ZNF407: variants seen among roughly 807,000 people sequenced by gnomAD.
ZNF407 encodes zinc finger protein 407.
A neutral mutation model predicts 131.2 loss-of-function variants in ZNF407; 17 were observed. The ratio of observed to expected loss-of-function variants is 0.13; its 90% CI spans 0.09 to 0.19. The LOEUF is 0.19. Among genes scored for constraint, ZNF407 ranks in the 10% least tolerant of loss-of-function variants. The probability of loss-of-function intolerance (pLI) is 1.00; values close to 1 mark genes in which losing one functional copy is unlikely to be tolerated. For synonymous variants in ZNF407, 1,156 were observed against 1,062.0 expected, an observed-to-expected ratio of 1.09 and a Z score of -1.72; for missense variants, 2,681 against 2,830.6, an observed-to-expected ratio of 0.95 and a Z score of 1.20.
intron 3 of ZNF407, among the ~76,000 whole-genome samples, chr18:74,779,109 A>ATATTTTTTTTTTTT (rs397943457): frequency 8.2e-5 from 2 of 24,376 alleles, no homozygotes. Context: ...ATATATATAT[A>ATATTTTTTTTTTTT]TTTTTTTTTT....
At chr18:74,933,352 G>A (rs1226332468) in intron 8 of ZNF407, among the ~76,000 whole-genome samples, 1 of 152,170 alleles carries the variant, frequency 6.6e-6, no homozygotes, top group Admixed American at 6.6e-5. Flanking sequence ...GATGTGCCTA[G>A]AGTAGTCGAA....
rs376078172 is a variant in ZNF407 at position 74,877,332 on chromosome 18, C to A, written c.5013C>A (p.Ser1671=). The A allele has an allele frequency of 1.9e-6, 3 of 1,613,644 alleles. No individual in the cohort carries two copies. The highest frequency in any genetic ancestry group is 1.1e-5 in the South Asian group (1 of 91,064). ...PTCHYSFLTA[S]AMKDHYRTHT... ...GCCATTACTCATTCCTCACAGCCTC[C>A]GCAATGAAAGACCACTACAGGACGC... The change falls in exon 5 of 9, where the codon TCC becomes TCA. Residue 1671 remains serine (S), a synonymous_variant. Coordinates refer to ENST00000299687, the MANE Select transcript of ZNF407 (RefSeq NM_017757.3).
intron 8 of ZNF407, among the ~76,000 whole-genome samples, chr18:74,985,201 C>G (rs1972638721): frequency 6.6e-6 from 1 of 152,114 alleles, no homozygotes; most frequent in Non-Finnish European, 1.5e-5. Context: ...ACAGTTTCAG[C>G]TTTAACTTTG....
chr18:74,880,697 A>G (rs1971225213), intron 5 of ZNF407, among the ~76,000 whole-genome samples: 3 of 151,688 alleles, frequency 2.0e-5, no homozygotes, highest in Admixed American at 2.0e-4. Flanking sequence ...CAGAAAGGCC[A>G]GATGTATGGG....
intron 8 of ZNF407, among the ~76,000 whole-genome samples, chr18:75,044,861 T>C (rs1973414940): frequency 6.6e-6 from 1 of 152,226 alleles, no homozygotes; most frequent in South Asian, 2.1e-4. Context: ...TGACCAACAC[T>C]GAAGACTTAT....
At chr18:74,976,770 G>T (rs1319480067) in intron 8 of ZNF407, among the ~76,000 whole-genome samples, 1 of 152,174 alleles carries the variant, frequency 6.6e-6, no homozygotes, top group Non-Finnish European at 1.5e-5. Context: ...AGCCTAAGTG[G>T]TCCTGTTAAG....
chr18:74,841,584 A>C (rs1970634260), intron 4 of ZNF407, among the ~76,000 whole-genome samples: 1 of 152,254 alleles, frequency 6.6e-6, no homozygotes, highest in Admixed American at 6.5e-5. Context: ...TGCCCACCAC[A>C]GTGACTGCTA....
chr18:74,961,505 G>GC (rs1055956084), intron 8 of ZNF407, among the ~76,000 whole-genome samples: 5 of 152,144 alleles, frequency 3.3e-5, no homozygotes, highest in African/African-American at 1.2e-4. Flanking sequence ...GATCACTTGA[G>GC]CCCAGGAGTT....
chr18:74,650,630 C>A (rs956679682), intron 3 of ZNF407, among the ~76,000 whole-genome samples: 1 of 152,112 alleles, frequency 6.6e-6, no homozygotes, highest in South Asian at 2.1e-4. Flanking sequence ...GGCAAACTCA[C>A]AGACTTTGCA....
intron 4 of ZNF407, among the ~76,000 whole-genome samples, chr18:74,796,455 G>A (rs1481067938): frequency 6.6e-6 from 1 of 152,148 alleles, no homozygotes; most frequent in African/African-American, 2.4e-5. Flanking sequence ...ATCCCAAGCT[G>A]CATTTTTCTA....
Position 75,063,233 on chromosome 18 carries a change from G to A in ZNF407, c.5512G>A (p.Ala1838Thr), listed in dbSNP as rs2122297332. ...GACAGACAGCCCCTTCACCGCGGCG[G>A]CCTTGGCAGAAGAGCCCCTCGTCAA... Reference protein sequence around the residue: ...VETDSPFTAAALAEEPLVKEK... With the variant: ...VETDSPFTAATLAEEPLVKEK... Residue 1838 changes from alanine to threonine, a missense_variant, in exon 9 of 9, where the codon GCC becomes ACC. This residue lies in a region of ZNF407 where 620 missense variants were observed against 583.1 expected (regional missense o/e 1.06). Transcript: ENST00000299687. This position sits in a 1 kb window ranked among gnomAD's most constrained non-coding sequence, Gnocchi z 6.6. 6.2e-7 allele frequency: 1 copy of A among 1,613,566 alleles called. No individual in the cohort carries two copies. The highest frequency in any genetic ancestry group is 2.2e-5 in the East Asian group (1 of 44,866).
At chr18:74,752,774 G>T (rs1287950157) in intron 3 of ZNF407, among the ~76,000 whole-genome samples, 2 of 152,188 alleles carry the variant, frequency 1.3e-5, no homozygotes, top group African/African-American at 4.8e-5. Context: ...TTTGGTTACT[G>T]TAGCCTTGTA....
At chr18:74,838,292 TAC>T (rs1404424543) in intron 4 of ZNF407, among the ~76,000 whole-genome samples, 4 of 152,188 alleles carry the variant, frequency 2.6e-5, no homozygotes, top group African/African-American at 9.7e-5. Context: ...CTGTGATTCT[TAC>T]AGTTATATAC....
chr18:74,936,279 A>G (rs1972038986), intron 8 of ZNF407, among the ~76,000 whole-genome samples: 1 of 152,226 alleles, frequency 6.6e-6, no homozygotes, highest in African/African-American at 2.4e-5. Context: ...TAAGATGTCA[A>G]GATATTCGCC....
chr18:75,039,866 A>ATT (rs368361927), intron 8 of ZNF407, among the ~76,000 whole-genome samples: 2 of 147,308 alleles, frequency 1.4e-5, no homozygotes, highest in Non-Finnish European at 3.0e-5. Flanking sequence ...TCCCTAGAGA[A>ATT]TTTTTTTTTT....
intron 8 of ZNF407, among the ~76,000 whole-genome samples, chr18:74,988,915 G>C (rs1260111742): frequency 6.6e-6 from 1 of 152,116 alleles, no homozygotes; most frequent in Non-Finnish European, 1.5e-5. Context: ...AGTTTGATAA[G>C]TTCTTATAAA....
intron 1 of ZNF407, among the ~76,000 whole-genome samples, chr18:74,618,907 G>T (rs1983416821): frequency 6.6e-6 from 1 of 152,092 alleles, no homozygotes; most frequent in Non-Finnish European, 1.5e-5. Context: ...ATGTCTTGAG[G>T]CTTGATAGTT....
Position 74,973,645 on chromosome 18 carries a change from A to G in ZNF407, c.5428+52953A>G, listed in dbSNP as rs558867172. On this transcript the variant is annotated intron_variant, in intron 8 of 8. Transcript: ENST00000299687. ...TATGTTTGTCTGCACAGGCCGCCAT[A>G]ACAAAATGAGGGCCTTAAGCAACAG... 2.0e-4 allele frequency among the ~76,000 whole-genome samples: 31 copies of G among 152,332 alleles called. No individual in the cohort carries two copies. The South Asian group carries it at 6.4e-3, about 32-fold the overall frequency.
intron 4 of ZNF407, among the ~76,000 whole-genome samples, chr18:74,809,155 G>A (rs972007656): frequency 4.6e-5 from 7 of 152,044 alleles, no homozygotes; most frequent in South Asian, 4.1e-4. Flanking sequence ...ATGCATCTTC[G>A]CCATGCAATT....
Sources: gnomAD v4.1 joint callset for allele counts (sites outside exome capture counted in the v4.1 genomes callset) on GRCh38, gnomAD v4.1.1 for gene constraint, gnomAD v4.1.1 regional missense constraint, Gnocchi (gnomAD v3.1) non-coding constraint, MANE v1.5 for transcripts, NCBI Gene and HGNC (gene_info 2026-07-23, HGNC 2026-07-21) for gene names.